The following PRKCA variants were observed in gnomAD, a reference collection of about 807,000 sequenced individuals.
The protein encoded by PRKCA is protein kinase C alpha type.
Under a neutral mutation model 87.0 loss-of-function variants are expected in PRKCA, and 27 were observed. The observed-to-expected ratio is 0.31, with a 90% CI of 0.23 to 0.43. The LOEUF (loss-of-function observed/expected upper bound fraction) is 0.43. Among genes scored for constraint, PRKCA ranks in the 20% least tolerant of loss-of-function variants. PRKCA has a pLI of 1.00. For missense variants in PRKCA, 518 were observed against 852.3 expected (o/e 0.61, Z 4.88); for synonymous variants, 329 against 311.1 (o/e 1.06, Z -0.61).
intron 5 of PRKCA, among the ~76,000 whole-genome samples, chr17:66,681,659 G>T (rs138796629): frequency 4.1e-4 from 63 of 152,278 alleles, no homozygotes; most frequent in Non-Finnish European, 7.1e-4. Context: ...TGCGAAGTTG[G>T]GTAATTTATC....
intron 16 of PRKCA, 138 bp downstream of exon 16, chr17:66,789,117 C>T: frequency 1.8e-6 from 2 of 1,094,308 alleles, no homozygotes; most frequent in Non-Finnish European, 1.3e-6. Flanking sequence ...AGGTTTCAGC[C>T]TTGTCCTCAG....
intron 3 of PRKCA, among the ~76,000 whole-genome samples, chr17:66,603,244 G>A (rs1598806579): frequency 6.6e-6 from 1 of 152,120 alleles, no homozygotes; most frequent in East Asian, 1.9e-4. Context: ...TGCTTCCTTG[G>A]AATTCTGGCC....
intron 2 of PRKCA, among the ~76,000 whole-genome samples, chr17:66,377,510 C>T (rs534470685): frequency 5.1e-4 from 75 of 146,936 alleles, no homozygotes; most frequent in African/African-American, 1.6e-3. Flanking sequence ...CATGTATATA[C>T]GTATATATGT....
At chr17:66,475,871 C>T (rs1020291150) in intron 2 of PRKCA, among the ~76,000 whole-genome samples, 1 of 151,964 alleles carries the variant, frequency 6.6e-6, no homozygotes, top group Non-Finnish European at 1.5e-5. Flanking sequence ...TTTTTAAATA[C>T]TATTATACCT....
chr17:66,464,028 A>G (rs368407138), intron 2 of PRKCA, among the ~76,000 whole-genome samples: 1 of 152,116 alleles, frequency 6.6e-6, no homozygotes, highest in African/African-American at 2.4e-5. Flanking sequence ...TGCTCCACCA[A>G]TAGAAGATCC....
chr17:66,614,681 G>C (rs1015121144), intron 3 of PRKCA, among the ~76,000 whole-genome samples: 1 of 152,144 alleles, frequency 6.6e-6, no homozygotes, highest in Non-Finnish European at 1.5e-5. Flanking sequence ...GTGGTGGCTG[G>C]CAAATACCGT....
At chr17:66,536,916 GC>G (rs899378850) in intron 3 of PRKCA, among the ~76,000 whole-genome samples, 8 of 152,176 alleles carry the variant, frequency 5.3e-5, no homozygotes, top group African/African-American at 1.9e-4. Flanking sequence ...AACGATGGGG[GC>G]TTGGTCTTAC....
intron 3 of PRKCA, among the ~76,000 whole-genome samples, chr17:66,555,697 C>G (rs2078153): frequency 0.24 from 36,342 of 151,890 alleles, 4,432 homozygotes; most frequent in South Asian, 0.35. Context: ...GTTACAGGGA[C>G]AAGAAGCCTT....
At chr17:66,346,299 G>T (rs1029416914) in intron 2 of PRKCA, among the ~76,000 whole-genome samples, 1 of 151,586 alleles carries the variant, frequency 6.6e-6, no homozygotes, top group Non-Finnish European at 1.5e-5. Context: ...GGGTTTCACC[G>T]TGTTAGCTAG....
chr17:66,453,826 A>G (rs560999031), intron 2 of PRKCA, among the ~76,000 whole-genome samples: 1 of 152,284 alleles, frequency 6.6e-6, no homozygotes, highest in South Asian at 2.1e-4. Flanking sequence ...TAAGGTTTTA[A>G]GTGTGACCAT....
chr17:66,452,608 G>A (rs1914379927), intron 2 of PRKCA, among the ~76,000 whole-genome samples: 1 of 152,180 alleles, frequency 6.6e-6, no homozygotes, highest in Non-Finnish European at 1.5e-5. Context: ...CAGGAATGCG[G>A]CCTCTGCACC....
At chr17:66,481,123 A>G (rs926134195) in intron 2 of PRKCA, among the ~76,000 whole-genome samples, 2 of 152,028 alleles carry the variant, frequency 1.3e-5, no homozygotes, top group African/African-American at 4.8e-5. Context: ...CCTGAACTCA[A>G]GGCTGGGCTG....
In PRKCA at chr17:66,721,037, T is replaced by C. The variant is rs1973602247; in HGVS notation, c.919-11651T>C. On this transcript the variant is annotated intron_variant, in intron 8 of 16. Coordinates refer to ENST00000413366, the MANE Select transcript of PRKCA (RefSeq NM_002737.3). ...CCCAAGAGAGAGTTCTTGAATTTCA[T>C]GGAAGAAAGAATTTGGGGCAAGTCC... Among the ~76,000 whole-genome samples, 5 of 152,068 alleles carry C rather than the reference T, an allele frequency of 3.3e-5. No homozygotes were observed. In the South Asian group the frequency reaches 1.0e-3, roughly 32 times the overall value.
intron 2 of PRKCA, among the ~76,000 whole-genome samples, chr17:66,353,243 A>C (rs916332015): frequency 1.2e-4 from 19 of 152,182 alleles, no homozygotes; most frequent in African/African-American, 4.6e-4. Flanking sequence ...ATTTTGGTGA[A>C]GCTTAACCAT....
intron 3 of PRKCA, among the ~76,000 whole-genome samples, chr17:66,526,812 TAAG>T (rs1420938101): frequency 1.3e-5 from 2 of 152,194 alleles, no homozygotes; most frequent in Middle Eastern, 3.2e-3. Context: ...GTGTGACTCC[TAAG>T]AAGAGCCAAG....
At chr17:66,580,926 G>C (rs948364490) in intron 3 of PRKCA, among the ~76,000 whole-genome samples, 7 of 124,176 alleles carry the variant, frequency 5.6e-5, no homozygotes, top group Non-Finnish European at 1.2e-4. Flanking sequence ...GATGAGATTT[G>C]TTGCCCCCCC....
intron 3 of PRKCA, among the ~76,000 whole-genome samples, chr17:66,534,407 C>T (rs184791060): frequency 1.5e-4 from 23 of 152,244 alleles, no homozygotes; most frequent in Admixed American, 1.2e-3. Context: ...GTAGCACAAG[C>T]TTGTAATCCC....
At chr17:66,409,140 T>A (rs975699310) in intron 2 of PRKCA, among the ~76,000 whole-genome samples, 2 of 151,698 alleles carry the variant, frequency 1.3e-5, no homozygotes, top group African/African-American at 4.8e-5. Flanking sequence ...AAGTAAAGGC[T>A]TGAGGGAGTT....
At chr17:66,686,968 T>C (rs1207593936) in intron 5 of PRKCA, 143 bp from the exon 6 acceptor site, 8 of 707,908 alleles carry the variant, frequency 1.1e-5, no homozygotes, top group Non-Finnish European at 1.4e-5. Context: ...TCATGTCGAG[T>C]GTTAGAGGCT....
Sources: gnomAD v4.1 joint callset for allele counts (sites outside exome capture counted in the v4.1 genomes callset) on GRCh38, gnomAD v4.1.1 for gene constraint, MANE v1.5 for transcripts, NCBI Gene and HGNC (gene_info 2026-07-23, HGNC 2026-07-21) for gene names.